Variants in KIF21A observed in about 807,000 individuals in gnomAD.
KIF21A encodes kinesin family member 21A.
In KIF21A, 114 loss-of-function variants were observed where a neutral mutation model predicts 202.9. That is an observed-to-expected ratio of 0.56 (90% CI 0.48 to 0.66). The LOEUF is 0.66. KIF21A is among the 30% of genes least tolerant of loss of function. The pLI, the probability that KIF21A is intolerant of heterozygous loss-of-function variation, is 0.00. For synonymous variants in KIF21A, 667 were observed against 670.8 expected, an observed-to-expected ratio of 0.99 and a Z score of 0.09; for missense variants, 1,677 against 1,994.9, an observed-to-expected ratio of 0.84 and a Z score of 3.04.
intron 7 of KIF21A, among the ~76,000 whole-genome samples, chr12:39,359,445 T>C (rs918854310): frequency 6.6e-6 from 1 of 152,148 alleles, no homozygotes; most frequent in Non-Finnish European, 1.5e-5. Flanking sequence ...AGGACAGGGA[T>C]TATCAACTTT....
At chr12:39,436,586 G>A (rs1397748552) in intron 1 of KIF21A, among the ~76,000 whole-genome samples, 4 of 145,454 alleles carry the variant, frequency 2.8e-5, no homozygotes, top group African/African-American at 7.7e-5. Flanking sequence ...CAAGTGGCAC[G>A]GACTACAGAC....
chr12:39,346,537 C>T, intron 11 of KIF21A, 33 bp from the exon 12 acceptor site: 1 of 1,399,218 alleles, frequency 7.1e-7, no homozygotes, highest in Non-Finnish European at 9.3e-7. Flanking sequence ...ATTGGAAGGC[C>T]AAGCCAATGA....
intron 17 of KIF21A, 86 bp downstream of exon 17, chr12:39,337,010 G>C: frequency 1.2e-6 from 1 of 843,650 alleles, no homozygotes; most frequent in Non-Finnish European, 2.0e-6. Context: ...AGTAGTTATG[G>C]TTACCAGAAA....
intron 1 of KIF21A, among the ~76,000 whole-genome samples, chr12:39,416,691 ATATATATGTACATATATATGTGTG>A (rs1409616379): frequency 0.025 from 3,115 of 125,424 alleles, 276 homozygotes; most frequent in African/African-American, 0.036. Flanking sequence ...ATGTGTGTAT[ATATATATGTACATATATATGTGTG>A]TATATATGTA....
chr12:39,319,083 A>T (rs535286887), intron 28 of KIF21A, among the ~76,000 whole-genome samples: 1 of 152,356 alleles, frequency 6.6e-6, no homozygotes, highest in East Asian at 1.9e-4. Context: ...ATGGTATAGA[A>T]TTGTCCATTT....
chr12:39,361,578 G>A (rs1949220353), intron 7 of KIF21A, among the ~76,000 whole-genome samples: 1 of 57,874 alleles, frequency 1.7e-5, no homozygotes, highest in African/African-American at 1.3e-4. Flanking sequence ...ATGGAGTGCA[G>A]TGGCACGATC....
chr12:39,397,436 A>AC (rs1191199362), intron 1 of KIF21A, among the ~76,000 whole-genome samples: 1 of 148,704 alleles, frequency 6.7e-6, no homozygotes, highest in South Asian at 2.2e-4. Flanking sequence ...CATCCAAACC[A>AC]CCCCCCATAG....
intron 1 of KIF21A, among the ~76,000 whole-genome samples, chr12:39,436,438 ATATATATATAT>A (rs1229457884): frequency 0.017 from 2,027 of 121,804 alleles, 119 homozygotes; most frequent in African/African-American, 0.069. Context: ...ATATATATAT[ATATATATATAT>A]TTTTTTTTTT....
chr12:39,300,746 C>A (rs1051464705), intron 37 of KIF21A, among the ~76,000 whole-genome samples: 8 of 152,020 alleles, frequency 5.3e-5, no homozygotes, highest in African/African-American at 1.9e-4. Context: ...TTTACAGTCA[C>A]ATCTTTCTAC....
At chr12:39,426,252 A>G (rs1954737212) in intron 1 of KIF21A, among the ~76,000 whole-genome samples, 2 of 152,232 alleles carry the variant, frequency 1.3e-5, no homozygotes, top group African/African-American at 4.8e-5. Context: ...CAAGCTGTCC[A>G]CTCTAAATGG....
intron 1 of KIF21A, among the ~76,000 whole-genome samples, chr12:39,400,638 C>A (rs1952100805): frequency 6.6e-6 from 1 of 152,138 alleles, no homozygotes; most frequent in Non-Finnish European, 1.5e-5. Context: ...CCATAGAATA[C>A]TATGCAGCCA....
chr12:39,299,963 G>A (rs1942810486), intron 37 of KIF21A, among the ~76,000 whole-genome samples: 1 of 152,018 alleles, frequency 6.6e-6, no homozygotes, highest in Non-Finnish European at 1.5e-5. Context: ...GGTGGAGGGT[G>A]GGAGGAAGGA....
rs751619325 is a variant in KIF21A at position 39,319,977 on chromosome 12, T to C, written c.3708A>G (p.Pro1236=). 9 of 1,608,416 alleles carry C rather than the reference T, an allele frequency of 5.6e-6. No individual in the cohort carries two copies. Among genetic ancestry groups the C allele is most frequent in the African/African-American group, 1.3e-5 (1 of 74,984 alleles). Residue 1236 remains proline, a synonymous_variant, in exon 28 of 38, where the codon CCA becomes CCG. Transcript: ENST00000361418. ...RQSSLSEKKI[P]EPSPVTRRKA... Reference sequence around the variant, plus strand: ...TTCTCCTTGTTACAGGAGAAGGCTCTGGAATTTTTTTTTCTGATAGAGATG... The same window carrying C: ...TTCTCCTTGTTACAGGAGAAGGCTCCGGAATTTTTTTTTCTGATAGAGATG...
intron 1 of KIF21A, among the ~76,000 whole-genome samples, chr12:39,391,455 C>T (rs1229138890): frequency 3.3e-5 from 5 of 151,966 alleles, no homozygotes; most frequent in African/African-American, 9.7e-5. Context: ...ATTTGGTTCA[C>T]AGCTGGGCAT....
At chr12:39,380,258 G>A (rs371252855) in intron 1 of KIF21A, among the ~76,000 whole-genome samples, 44 of 152,230 alleles carry the variant, frequency 2.9e-4, no homozygotes, top group African/African-American at 8.2e-4. Flanking sequence ...GTGAGCCACC[G>A]CTCCCGGCCT....
intron 23 of KIF21A, among the ~76,000 whole-genome samples, chr12:39,330,478 GA>G (rs1383976721): frequency 1.3e-5 from 2 of 152,116 alleles, no homozygotes; most frequent in Non-Finnish European, 2.9e-5. Context: ...TAACCAATAC[GA>G]AAACTTGATT....
At chr12:39,416,640 T>C (rs1365164695) in intron 1 of KIF21A, among the ~76,000 whole-genome samples, 1 of 141,958 alleles carries the variant, frequency 7.0e-6, no homozygotes, top group Non-Finnish European at 1.5e-5. Context: ...TGTATATATA[T>C]ATATGTACAT....
At chr12:39,370,326 A>G in intron 1 of KIF21A, 65 bp from the exon 2 acceptor site, 1 of 1,257,454 alleles carries the variant, frequency 8.0e-7, no homozygotes. Context: ...CTCAAAAAAT[A>G]GGACTTAAAA....
chr12:39,355,433 GT>G (rs1948691691), intron 10 of KIF21A, among the ~76,000 whole-genome samples: 1 of 152,042 alleles, frequency 6.6e-6, no homozygotes. Context: ...CAATTGGCAA[GT>G]GCCAAAGAAA....
Sources: gnomAD v4.1 joint callset for allele counts (sites outside exome capture counted in the v4.1 genomes callset) on GRCh38, gnomAD v4.1.1 for gene constraint, MANE v1.5 for transcripts, NCBI Gene and HGNC (gene_info 2026-07-23, HGNC 2026-07-21) for gene names.